The following NCAPG2 variants were observed in gnomAD, a reference collection of about 807,000 sequenced individuals.
NCAPG2 encodes condensin-2 complex subunit G2.
In NCAPG2, 53 loss-of-function variants were observed where a neutral mutation model predicts 141.1. The ratio of observed to expected loss-of-function variants is 0.38; its 90% CI spans 0.30 to 0.47. The LOEUF (loss-of-function observed/expected upper bound fraction) is 0.47. NCAPG2 is among the 20% of genes least tolerant of loss of function. The pLI is 0.99. For synonymous variants in NCAPG2, 499 were observed against 490.7 expected, an observed-to-expected ratio of 1.02 and a Z score of -0.22; for missense variants, 1,087 against 1,389.0, an observed-to-expected ratio of 0.78 and a Z score of 3.46.
At chr7:158,646,396 C>T in intron 25 of NCAPG2, 64 bp downstream of exon 25, 1 of 1,221,788 alleles carries the variant, frequency 8.2e-7, no homozygotes, top group Non-Finnish European at 1.2e-6. Context: ...AGGAATAGAA[C>T]AAAAGCTGCT....
chr7:158,683,302 C>T lies in NCAPG2; in HGVS notation c.922G>A (p.Glu308Lys), dbSNP rs767492635. The stretch of plus-strand genomic sequence containing the variant: ...AAACAATCTGTTCACAATCTTACCT[C>T]CCGCACTTTGGAATGCACTGGAGAC... ...RRSPVHSKVR[E>K]VLSYFHHQKK... is the part of the protein sequence containing the mutation. The change falls in exon 9 of 28, where the codon GAG becomes AAG. Residue 308 changes from glutamate to lysine, a missense_variant and splice_region_variant. Coordinates refer to ENST00000356309, the MANE Select transcript of NCAPG2 (RefSeq NM_017760.7). The T allele has an allele frequency of 4.4e-6, 7 of 1,584,478 alleles. No homozygotes were observed. In the East Asian group the frequency reaches 1.2e-4, roughly 26 times the overall value.
At chr7:158,693,212 A>G in intron 3 of NCAPG2, 97 bp downstream of exon 3, 1 of 1,334,690 alleles carries the variant, frequency 7.5e-7, no homozygotes, top group Non-Finnish European at 1.0e-6. Flanking sequence ...CTAACTTCAA[A>G]ATCTGTCTTA....
At chr7:158,646,809 C>A (rs1831051966) in intron 24 of NCAPG2, among the ~76,000 whole-genome samples, 1 of 152,112 alleles carries the variant, frequency 6.6e-6, no homozygotes, top group South Asian at 2.1e-4. Context: ...AAGAGGAATG[C>A]TTGAGGTCAG....
intron 16 of NCAPG2, among the ~76,000 whole-genome samples, chr7:158,660,107 A>G (rs1399367396): frequency 6.6e-6 from 1 of 152,072 alleles, no homozygotes; most frequent in Non-Finnish European, 1.5e-5. Context: ...GAAAAAAAAA[A>G]AAAAAGAAAA....
chr7:158,663,331 G>A (rs989014457), intron 15 of NCAPG2, among the ~76,000 whole-genome samples: 17 of 152,238 alleles, frequency 1.1e-4, no homozygotes, highest in Admixed American at 7.2e-4. Context: ...CTGTGAAGAC[G>A]GAAGTGGCTC....
In NCAPG2 at chr7:158,664,185, GTCACAT is replaced by G; in HGVS notation, c.1808_1813del (p.Asn603_Val604del). The G allele has an allele frequency of 6.2e-7, 1 of 1,602,818 alleles. No individual in the cohort carries two copies. On this transcript the variant is annotated inframe_deletion and splice_region_variant, in exon 15 of 28. Coordinates refer to ENST00000356309, the MANE Select transcript of NCAPG2 (RefSeq NM_017760.7). ...CCGGCCTGGCCCTGTTCTACTCACA[GTCACAT>G]TCTCCTTCTCCCTTCCGTCCTCTTC... is the stretch of plus-strand genomic sequence containing the variant.
Position 158,656,535 on chromosome 7 carries a change from A to G in NCAPG2, c.2214+17T>C. On this transcript the variant is annotated intron_variant, in intron 18 of 27. Transcript: ENST00000356309. ...TCCTCACTCACCTAATTTTAAGGAA[A>G]CATGATGTCAACCTACCTTGGCCTG... is the stretch of plus-strand genomic sequence containing the variant. 1 of 1,613,270 alleles carries G rather than the reference A, an allele frequency of 6.2e-7. No homozygotes were observed. The highest frequency in any genetic ancestry group is 8.5e-7 in the Non-Finnish European group (1 of 1,179,474).
chr7:158,654,640 A>G lies in NCAPG2; in HGVS notation c.2701T>C (p.Phe901Leu). 6.2e-7 allele frequency: 1 copy of G among 1,614,130 alleles called. No homozygotes were observed. The highest frequency in any genetic ancestry group is 8.5e-7 in the Non-Finnish European group (1 of 1,180,006). ...VVMVGLGDHQ[F>L]QMQLLQRSLG... ...CTCCGCTGTAAGAGTTGCATCTGAA[A>G]CTGATGGTCACCAAGGCCTACCATA... Residue 901 changes from phenylalanine (F) to leucine (L), a missense_variant, in exon 22 of 28, where the codon TTT (phenylalanine) becomes CTT (leucine). By Grantham distance (22) the Phe-to-Leu change is conservative. Coordinates refer to ENST00000356309, the MANE Select transcript of NCAPG2 (RefSeq NM_017760.7).
At chr7:158,657,722 T>A (rs942784862) in intron 17 of NCAPG2, among the ~76,000 whole-genome samples, 3 of 151,170 alleles carry the variant, frequency 2.0e-5, no homozygotes, top group Admixed American at 2.0e-4. Flanking sequence ...GCGGGAAAGG[T>A]GGGGAAAAGA....
chr7:158,667,087 C>G (rs1028251239), intron 13 of NCAPG2: 1 of 969,170 alleles, frequency 1.0e-6, no homozygotes, highest in Non-Finnish European at 1.2e-6. Flanking sequence ...TCATGTCATT[C>G]TGTAACCTTA....
intron 1 of NCAPG2, 139 bp from the exon 2 acceptor site, chr7:158,702,077 T>C: frequency 1.8e-6 from 1 of 546,484 alleles, no homozygotes; most frequent in Non-Finnish European, 3.2e-6. Flanking sequence ...CATTCTGACA[T>C]AAAACACGCT....
At position 158,658,412 on chromosome 7, in the gene NCAPG2, A is replaced by C; in HGVS notation, c.1990-4T>G. ...AAGGGATCTTGCAGCGATCATCCTA[A>C]AAGCGAAAAAAGAAAAACAAAACAA... On this transcript the variant is annotated splice_region_variant and splice_polypyrimidine_tract_variant and intron_variant, in intron 16 of 27. Coordinates refer to ENST00000356309, the MANE Select transcript of NCAPG2 (RefSeq NM_017760.7). 6.2e-7 allele frequency: 1 copy of C among 1,603,872 alleles called. No homozygotes were observed. The highest frequency in any genetic ancestry group is 8.5e-7 in the Non-Finnish European group (1 of 1,174,684).
chr7:158,699,525 C>T (rs2129469657), intron 2 of NCAPG2, among the ~76,000 whole-genome samples: 1 of 152,336 alleles, frequency 6.6e-6, no homozygotes, highest in Admixed American at 6.5e-5. Context: ...CCTACCAGCT[C>T]AGTCCATTCA....
intron 2 of NCAPG2, among the ~76,000 whole-genome samples, chr7:158,695,735 C>G (rs1299541091): frequency 6.6e-6 from 1 of 152,146 alleles, no homozygotes; most frequent in African/African-American, 2.4e-5. Context: ...GCCCAGGCCT[C>G]TAGGGCCATA....
chr7:158,651,438 T>C (rs1831486868), intron 23 of NCAPG2, among the ~76,000 whole-genome samples: 1 of 152,174 alleles, frequency 6.6e-6, no homozygotes, highest in Non-Finnish European at 1.5e-5. Flanking sequence ...CAAATTGAAC[T>C]AGACTAGAAA....
At chr7:158,677,136 A>G (rs1041954567) in intron 11 of NCAPG2, among the ~76,000 whole-genome samples, 2 of 152,150 alleles carry the variant, frequency 1.3e-5, no homozygotes, top group Non-Finnish European at 2.9e-5. Context: ...AGTCTTACAA[A>G]TGGTTTCTAA....
chr7:158,673,750 G>C (rs994759998), intron 12 of NCAPG2, among the ~76,000 whole-genome samples: 1 of 152,220 alleles, frequency 6.6e-6, no homozygotes, highest in Non-Finnish European at 1.5e-5. Context: ...TAGCCAGGGG[G>C]AGCCCGTCAC....
rs373110454 is a variant in NCAPG2, at chr7:158,689,885, T to C, written c.606A>G (p.Glu202=). The change falls in exon 6 of 28, where the codon GAA becomes GAG. Residue 202 remains glutamate (E), a synonymous_variant. Coordinates refer to ENST00000356309, the MANE Select transcript of NCAPG2 (RefSeq NM_017760.7). ...ALYCFDYDLE[E]SGEIKDMLLE... ...GTAACATATCTTTAATTTCTCCACT[T>C]TCCTCCAAATCATAATCAAAGCAAT... 6.9e-6 allele frequency: 11 copies of C among 1,605,394 alleles called. No individual in the cohort carries two copies. In the African/African-American group the frequency reaches 1.3e-4, roughly 20 times the overall value.
chr7:158,700,191 G>A (rs1038368632), intron 2 of NCAPG2, among the ~76,000 whole-genome samples: 1 of 152,162 alleles, frequency 6.6e-6, no homozygotes, highest in Admixed American at 6.5e-5. Context: ...AGAGCCACAC[G>A]GTGACTAGGT....
Sources: gnomAD v4.1 joint callset for allele counts (sites outside exome capture counted in the v4.1 genomes callset) on GRCh38, gnomAD v4.1.1 for gene constraint, MANE v1.5 for transcripts, NCBI Gene and HGNC (gene_info 2026-07-23, HGNC 2026-07-21) for gene names.